RANBP17: variants seen among roughly 807,000 people sequenced by gnomAD.
The protein encoded by RANBP17 is ran-binding protein 17.
A neutral mutation model predicts 141.2 loss-of-function variants in RANBP17; 158 were observed. The ratio of observed to expected loss-of-function variants is 1.12; its 90% CI spans 0.98 to 1.28. The LOEUF (loss-of-function observed/expected upper bound fraction) is 1.28. Ranked by LOEUF, RANBP17 falls within the 50% of genes most tolerant of loss-of-function variation. The probability of loss-of-function intolerance (pLI) is 0.00; values close to 1 mark genes in which losing one functional copy is unlikely to be tolerated. For missense variants in RANBP17, 1,438 were observed against 1,290.7 expected (o/e 1.11, Z -1.75); for synonymous variants, 430 against 450.0 (o/e 0.96, Z 0.56).
At chr5:171,130,995 G>A (rs1456104166) in intron 14 of RANBP17, among the ~76,000 whole-genome samples, 1 of 151,974 alleles carries the variant, frequency 6.6e-6, no homozygotes, top group East Asian at 1.9e-4. Context: ...TTTGTCTTTG[G>A]AATTCCTTTG....
chr5:171,268,795 C>T (rs1229094294), intron 25 of RANBP17, among the ~76,000 whole-genome samples: 2 of 152,182 alleles, frequency 1.3e-5, no homozygotes, highest in Non-Finnish European at 2.9e-5. Flanking sequence ...TAAACTTTGG[C>T]AGAAACTTTT....
intron 20 of RANBP17, chr5:171,207,536 G>C (rs1762648456): frequency 6.6e-6 from 1 of 152,190 alleles, no homozygotes; most frequent in Non-Finnish European, 1.5e-5. Flanking sequence ...TTGTGAACTA[G>C]AAACCTTTGT....
At chr5:171,243,219 A>T (rs1420482837) in intron 24 of RANBP17, among the ~76,000 whole-genome samples, 1 of 152,146 alleles carries the variant, frequency 6.6e-6, no homozygotes, top group Non-Finnish European at 1.5e-5. Context: ...CAGGAAACTA[A>T]TGCTTTCTCT....
intron 14 of RANBP17, among the ~76,000 whole-genome samples, chr5:170,987,751 T>C (rs1482417725): frequency 6.6e-6 from 1 of 151,806 alleles, no homozygotes; most frequent in Non-Finnish European, 1.5e-5. Flanking sequence ...ATTCCATAAG[T>C]GCATTTAAGT....
chr5:170,918,224 G>A (rs1284531193), intron 9 of RANBP17: 1 of 152,066 alleles, frequency 6.6e-6, no homozygotes, highest in Non-Finnish European at 1.5e-5. Context: ...GAGACACGGA[G>A]TTGCTTGAGG....
In RANBP17 at chr5:171,035,747, T is replaced by G. The variant is rs534022665; in HGVS notation, c.1710+67370T>G. 8.3e-4 allele frequency among the ~76,000 whole-genome samples: 125 copies of G among 150,468 alleles called. 1 individual carries two copies. Among genetic ancestry groups the G allele is most frequent in the African/African-American group, 2.8e-3 (117 of 41,178 alleles). ...TTTGTTTCTTTTTTTGTTTTTTTTT[T>G]TTTTTTTTTAAGTAATTTCAACTTT... On this transcript the variant is annotated intron_variant, in intron 14 of 27. Coordinates refer to ENST00000523189, the MANE Select transcript of RANBP17 (RefSeq NM_022897.5).
intron 11 of RANBP17, among the ~76,000 whole-genome samples, chr5:170,921,407 G>C (rs1772451051): frequency 2.0e-5 from 3 of 152,126 alleles, no homozygotes; most frequent in Admixed American, 2.0e-4. Context: ...TTGTAGATGT[G>C]TGTTATTTCT....
rs374223718 is a variant in RANBP17 at position 171,106,633 on chromosome 5, C to T, written c.1711-63497C>T. 4.5e-4 allele frequency among the ~76,000 whole-genome samples: 68 copies of T among 152,202 alleles called. 2 individuals carry two copies. The South Asian group carries it at 0.013, about 30-fold the overall frequency. The stretch of plus-strand genomic sequence containing the variant: ...GGAGCCTGATAATCCATTTGGGCAT[C>T]GATTTGTCTTTATTGTTAACTTTGT... On this transcript the variant is annotated intron_variant, in intron 14 of 27. Coordinates refer to ENST00000523189, the MANE Select transcript of RANBP17 (RefSeq NM_022897.5).
intron 24 of RANBP17, 45 bp downstream of exon 24, chr5:171,242,865 A>C: frequency 1.3e-6 from 2 of 1,569,168 alleles, no homozygotes; most frequent in Middle Eastern, 1.7e-4. Flanking sequence ...AAACTTGATT[A>C]TGGGCTTTTA....
intron 14 of RANBP17, among the ~76,000 whole-genome samples, chr5:170,979,065 AC>A (rs1351146438): frequency 6.6e-6 from 1 of 152,232 alleles, no homozygotes; most frequent in Non-Finnish European, 1.5e-5. Context: ...TCATACAAGG[AC>A]ACAAATGACA....
intron 14 of RANBP17, among the ~76,000 whole-genome samples, chr5:171,052,071 A>C (rs1782988441): frequency 6.6e-6 from 1 of 151,952 alleles, no homozygotes; most frequent in Admixed American, 6.6e-5. Context: ...TGGATTTTTA[A>C]ATCCTTTGCT....
At chr5:170,946,077 A>T (rs998238063) in intron 12 of RANBP17, among the ~76,000 whole-genome samples, 10 of 152,134 alleles carry the variant, frequency 6.6e-5, no homozygotes, top group African/African-American at 2.4e-4. Flanking sequence ...AACTTTTGGA[A>T]ATTCATTGCC....
chr5:170,970,314 C>T (rs1418796730), intron 14 of RANBP17, among the ~76,000 whole-genome samples: 5 of 151,628 alleles, frequency 3.3e-5, no homozygotes, highest in African/African-American at 1.2e-4. Context: ...ACAATTAATG[C>T]GTGCTTATTT....
At chr5:171,155,117 A>ATG (rs1447020897) in intron 14 of RANBP17, among the ~76,000 whole-genome samples, 22 of 136,410 alleles carry the variant, frequency 1.6e-4, no homozygotes, top group Admixed American at 5.1e-4. Context: ...ATATATATAT[A>ATG]TATGTACACA....
At chr5:171,297,009 T>C (rs1335628901) in intron 27 of RANBP17, among the ~76,000 whole-genome samples, 1 of 152,254 alleles carries the variant, frequency 6.6e-6, no homozygotes, top group African/African-American at 2.4e-5. Context: ...ACTTCTCTAC[T>C]CCTCAGGTTC....
chr5:170,956,408 A>G (rs1775701080), intron 13 of RANBP17, among the ~76,000 whole-genome samples: 1 of 152,082 alleles, frequency 6.6e-6, no homozygotes, highest in East Asian at 1.9e-4. Flanking sequence ...TATTTCTTCA[A>G]TAAAATGTGA....
chr5:170,911,012 A>T lies in RANBP17; in HGVS notation c.638A>T (p.Asn213Ile). Residue 213 changes from asparagine (N) to isoleucine (I), a missense_variant, in exon 7 of 28, where the codon AAT (asparagine) becomes ATT (isoleucine). Asn to Ile is a moderately radical substitution (Grantham distance 149). Coordinates refer to ENST00000523189, the MANE Select transcript of RANBP17 (RefSeq NM_022897.5). ...PLNLQDQCQQ[N>I]LVMQVLKLVL... The stretch of plus-strand genomic sequence containing the variant: ...AATCTTCAGGATCAATGTCAGCAAA[A>T]TCTGGTAATGCAGGTCTTGAAACTG... The T allele has an allele frequency of 6.2e-7, 1 of 1,612,006 alleles. No individual in the cohort carries two copies. Among genetic ancestry groups the T allele is most frequent in the Non-Finnish European group, 8.5e-7 (1 of 1,178,704 alleles).
intron 14 of RANBP17, among the ~76,000 whole-genome samples, chr5:171,093,209 T>TC (rs749648135): frequency 4.1e-5 from 3 of 73,884 alleles, no homozygotes; most frequent in African/African-American, 1.3e-4. Flanking sequence ...GAACTCAGTC[T>TC]CCCCCCAAAA....
At chr5:170,988,459 G>A (rs1310599010) in intron 14 of RANBP17, among the ~76,000 whole-genome samples, 1 of 151,238 alleles carries the variant, frequency 6.6e-6, no homozygotes, top group East Asian at 1.9e-4. Context: ...CCAAGTAGAT[G>A]TACTTTGAAG....
Sources: gnomAD v4.1 joint callset for allele counts (sites outside exome capture counted in the v4.1 genomes callset) on GRCh38, gnomAD v4.1.1 for gene constraint, MANE v1.5 for transcripts, NCBI Gene and HGNC (gene_info 2026-07-23, HGNC 2026-07-21) for gene names.